The following CWC25 variants were observed in gnomAD, a reference collection of about 807,000 sequenced individuals.
CWC25 encodes the protein CWC25 spliceosome associated protein.
Under a neutral mutation model 54.6 loss-of-function variants are expected in CWC25, and 31 were observed. The ratio of observed to expected loss-of-function variants is 0.57; its 90% CI spans 0.43 to 0.77. CWC25 has a LOEUF of 0.77. CWC25 is among the 30% of genes least tolerant of loss of function. The probability of loss-of-function intolerance (pLI) is 0.00; values close to 1 mark genes in which losing one functional copy is unlikely to be tolerated. For missense variants in CWC25, 453 were observed against 529.3 expected (o/e 0.86, Z 1.41); for synonymous variants, 151 against 187.0 (o/e 0.81, Z 1.57).
Position 38,825,238 on chromosome 17 carries a change from G to A in CWC25, c.-55C>T. 6.4e-7 allele frequency: 1 copy of A among 1,556,390 alleles called. No homozygotes were observed. The highest frequency in any genetic ancestry group is 8.7e-7 in the Non-Finnish European group (1 of 1,150,610). The stretch of plus-strand genomic sequence containing the variant: ...ATCTGGAAGATTTCGGGAGGATCAA[G>A]AGAAAACGTAGAGAAATAGTTCGGG... On this transcript the variant is annotated 5_prime_UTR_variant, in exon 1 of 10. Transcript: ENST00000614790.
At chr17:38,825,137 C>A in intron 1 of CWC25, 29 bp downstream of exon 1, 1 of 1,515,320 alleles carries the variant, frequency 6.6e-7, no homozygotes, top group Non-Finnish European at 8.8e-7. Context: ...GGCCTCAGTC[C>A]TCCCCCGCCC....
At chr17:38,807,442 C>A (rs1187229940) in intron 6 of CWC25, among the ~76,000 whole-genome samples, 2 of 140,384 alleles carry the variant, frequency 1.4e-5, no homozygotes, top group Non-Finnish European at 3.1e-5. Context: ...ACTTAGTTAT[C>A]TGCAGAATCC....
At position 38,801,849 on chromosome 17, in the gene CWC25, C is replaced by T. The variant is rs527335780; in HGVS notation, c.*243G>A. The stretch of plus-strand genomic sequence containing the variant: ...TCCAGAGTGGCACAAGCACTCCCAC[C>T]GAGATGGTCCAGTGCCCACCCGTTA... On this transcript the variant is annotated 3_prime_UTR_variant, in exon 10 of 10. Transcript: ENST00000614790. 1.8e-5 allele frequency: 7 copies of T among 379,300 alleles called. No individual in the cohort carries two copies. The highest frequency in any genetic ancestry group is 8.6e-5 in the East Asian group (2 of 23,238). The allele number at this position is 379,300 out of a possible 1,614,324, so 23.5% of individuals were successfully genotyped here.
Position 38,806,436 on chromosome 17 carries a change from G to A in CWC25, c.903-41C>T, listed in dbSNP as rs2302472. The A allele has an allele frequency of 0.039, 60,199 of 1,531,580 alleles. 7,659 individuals carry two copies. In the African/African-American group the frequency reaches 0.44, roughly 11 times the overall value. The allele number at this position is 1,531,580 out of a possible 1,614,324, so 94.9% of individuals were successfully genotyped here. On this transcript the variant is annotated intron_variant, in intron 7 of 9. Transcript: ENST00000614790. ...AAGGCAAAGAGGAAAAAGCCTTTTT[G>A]GTCCAGGGGCTTACACTGAATCCCT...
chr17:38,809,896 C>T (rs1387969601), intron 5 of CWC25, 131 bp from the exon 6 acceptor site: 5 of 767,466 alleles, frequency 6.5e-6, no homozygotes, highest in Non-Finnish European at 1.0e-5. Flanking sequence ...CCTGGCAGTA[C>T]GTTTCTCTAT....
Position 38,825,301 on chromosome 17 carries a change from T to G in CWC25, c.-118A>C, listed in dbSNP as rs746877010. ...GGATCTAGTCCCAGGAGCCGTCAAC[T>G]GCCAGTTTCACCACCGCTCTAGAGG... is the stretch of plus-strand genomic sequence containing the variant. On this transcript the variant is annotated 5_prime_UTR_variant, in exon 1 of 10. Coordinates refer to ENST00000614790, the MANE Select transcript of CWC25 (RefSeq NM_017748.5). 5.4e-6 allele frequency: 6 copies of G among 1,105,772 alleles called. No individual in the cohort carries two copies. The highest frequency in any genetic ancestry group is 6.4e-6 in the Non-Finnish European group (5 of 782,354). 68.5% of individuals were successfully genotyped at this position (1,105,772 alleles called of 1,614,324 possible). A position where few individuals can be genotyped will look rare whatever the true frequency, so the allele number is the denominator to read the frequency against.
intron 2 of CWC25, among the ~76,000 whole-genome samples, chr17:38,820,280 T>C (rs1911870513): frequency 6.6e-6 from 1 of 152,238 alleles, no homozygotes; most frequent in South Asian, 2.1e-4. Context: ...AAGAATACAC[T>C]GCATATTGTA....
intron 9 of CWC25, 64 bp downstream of exon 9, chr17:38,802,636 G>A (rs1911073472): frequency 6.4e-7 from 1 of 1,573,806 alleles, no homozygotes; most frequent in Non-Finnish European, 8.6e-7. Context: ...ACGGGAACCA[G>A]CTGCCAGCCT....
chr17:38,819,124 G>A (rs1911821675), intron 2 of CWC25, among the ~76,000 whole-genome samples: 1 of 151,938 alleles, frequency 6.6e-6, no homozygotes, highest in South Asian at 2.1e-4. Flanking sequence ...CTGGGCTCAA[G>A]CAATCCTCCT....
In CWC25 at chr17:38,805,725, T is replaced by C. The variant is rs1295047865; in HGVS notation, c.1001+572A>G. On this transcript the variant is annotated intron_variant, in intron 8 of 9. Transcript: ENST00000614790. The stretch of plus-strand genomic sequence containing the variant: ...GTAGCTCACTGCAACCTTAATCCCT[T>C]GACCTTAAGTGATCCTCCCTGCCTT... Among the ~76,000 whole-genome samples, 4 of 152,160 alleles carry C rather than the reference T, an allele frequency of 2.6e-5. No individual in the cohort carries two copies. In the East Asian group the frequency reaches 7.7e-4, roughly 29 times the overall value.
chr17:38,814,340 G>A (rs1332907427), intron 3 of CWC25, among the ~76,000 whole-genome samples: 1 of 150,194 alleles, frequency 6.7e-6, no homozygotes, highest in Non-Finnish European at 1.5e-5. Flanking sequence ...CTGGAATGCA[G>A]TGGCGTGATC....
intron 1 of CWC25, among the ~76,000 whole-genome samples, chr17:38,824,474 G>T (rs928078671): frequency 6.6e-6 from 1 of 151,860 alleles, no homozygotes; most frequent in Non-Finnish European, 1.5e-5. Context: ...ATCACTTGAG[G>T]TCGGCAGATC....
intron 1 of CWC25, 44 bp downstream of exon 1, chr17:38,825,122 G>T: frequency 7.5e-7 from 1 of 1,337,024 alleles, no homozygotes; most frequent in Middle Eastern, 1.9e-4. Context: ...GCCAATTTCC[G>T]TCCCGGCCTC....
At chr17:38,802,621 C>T (rs1911072700) in intron 9 of CWC25, 79 bp downstream of exon 9, 1 of 1,535,840 alleles carries the variant, frequency 6.5e-7, no homozygotes, top group Non-Finnish European at 8.8e-7. Context: ...CACAGAAACA[C>T]TGGAACGGGA....
chr17:38,821,781 CTTTTT>C (rs36017153), intron 1 of CWC25, among the ~76,000 whole-genome samples: 1 of 144,084 alleles, frequency 6.9e-6, no homozygotes, highest in African/African-American at 2.5e-5. Context: ...GACATTCATT[CTTTTT>C]TTTTTTTTTT....
At chr17:38,818,839 A>C (rs1399727395) in intron 2 of CWC25, among the ~76,000 whole-genome samples, 1 of 152,044 alleles carries the variant, frequency 6.6e-6, no homozygotes, top group Non-Finnish European at 1.5e-5. Context: ...CTTTCTCTAC[A>C]GTTGTGCATC....
chr17:38,806,777 C>G lies in CWC25; in HGVS notation c.890G>C (p.Arg297Thr). ...RSLGRRSRSPRPSKLHNSKVN... is the reference protein window; with the variant it reads ...RSLGRRSRSPTPSKLHNSKVN... ...ATCCCACACTCACAGTTTGCTGGGT[C>G]TTGGGGACCGTGACCTTCTGCCCAG... The change falls in exon 7 of 10, where the codon AGA (arginine) becomes ACA (threonine). Residue 297 changes from arginine to threonine, a missense_variant. Physicochemically the swap from Arg to Thr is moderately conservative, Grantham distance 71. This residue lies in a region of CWC25 where 444 missense variants were observed against 499.2 expected (regional missense o/e 0.89). Coordinates refer to ENST00000614790, the MANE Select transcript of CWC25 (RefSeq NM_017748.5). 2 of 1,596,216 alleles carry G rather than the reference C, an allele frequency of 1.3e-6. No homozygotes were observed. The highest frequency in any genetic ancestry group is 1.7e-6 in the Non-Finnish European group (2 of 1,172,324).
chr17:38,815,553 A>G (rs1019965212), intron 2 of CWC25: 18 of 640,068 alleles, frequency 2.8e-5, no homozygotes, highest in African/African-American at 1.7e-4. Flanking sequence ...CCTTGTCTCA[A>G]ATAAATAAAT....
chr17:38,813,680 A>G (rs2143577294), intron 3 of CWC25, among the ~76,000 whole-genome samples: 1 of 151,740 alleles, frequency 6.6e-6, no homozygotes, highest in East Asian at 1.9e-4. Context: ...AGTGGCTGGG[A>G]CTATAGGCCC....
Sources: gnomAD v4.1 joint callset for allele counts (sites outside exome capture counted in the v4.1 genomes callset) on GRCh38, gnomAD v4.1.1 for gene constraint, gnomAD v4.1.1 regional missense constraint, MANE v1.5 for transcripts, NCBI Gene and HGNC (gene_info 2026-07-23, HGNC 2026-07-21) for gene names.